The following MYO1D variants were observed in gnomAD, a reference collection of about 807,000 sequenced individuals.
The protein encoded by MYO1D is myosin ID, also known as unconventional myosin-Id.
A neutral mutation model predicts 122.0 loss-of-function variants in MYO1D; 83 were observed. The ratio of observed to expected loss-of-function variants is 0.68; its 90% CI spans 0.57 to 0.82. The LOEUF (loss-of-function observed/expected upper bound fraction) is 0.82. Among genes scored for constraint, MYO1D ranks in the 40% least tolerant of loss-of-function variants. The pLI is 0.00. For synonymous variants in MYO1D, 464 were observed against 446.9 expected, an observed-to-expected ratio of 1.04 and a Z score of -0.48; for missense variants, 1,157 against 1,269.5, an observed-to-expected ratio of 0.91 and a Z score of 1.35.
intron 16 of MYO1D, among the ~76,000 whole-genome samples, chr17:32,670,042 C>T (rs910987798): frequency 6.6e-5 from 10 of 151,968 alleles, no homozygotes; most frequent in Admixed American, 5.2e-4. Context: ...TACAGGTGTG[C>T]ACCATCATGC....
At chr17:32,539,192 A>C (rs1249781945) in intron 21 of MYO1D, among the ~76,000 whole-genome samples, 1 of 151,852 alleles carries the variant, frequency 6.6e-6, no homozygotes, top group African/African-American at 2.4e-5. Flanking sequence ...CTGTAATGCC[A>C]GCACTTTGGG....
intron 2 of MYO1D, 98 bp downstream of exon 2, chr17:32,780,478 C>A (rs2090223563): frequency 7.8e-7 from 1 of 1,287,954 alleles, no homozygotes; most frequent in Non-Finnish European, 1.1e-6. Context: ...CAGGCTTCTA[C>A]CTTTAAAAAA....
chr17:32,653,543 T>C (rs868397836), intron 19 of MYO1D, among the ~76,000 whole-genome samples: 3 of 146,674 alleles, frequency 2.0e-5, no homozygotes, highest in Middle Eastern at 3.4e-3. Flanking sequence ...GAAGCGGAGG[T>C]TGCAGTGAGC....
chr17:32,819,738 T>C (rs752989065), intron 1 of MYO1D, among the ~76,000 whole-genome samples: 8 of 152,188 alleles, frequency 5.3e-5, no homozygotes, highest in Non-Finnish European at 1.0e-4. Flanking sequence ...TGGCTACCAT[T>C]TATGAAGCTT....
chr17:32,513,147 T>C (rs1479867447), intron 21 of MYO1D, among the ~76,000 whole-genome samples: 1 of 152,160 alleles, frequency 6.6e-6, no homozygotes, highest in African/African-American at 2.4e-5. Flanking sequence ...GAGGGTGTGG[T>C]ATACAGTAGG....
At chr17:32,786,040 G>A (rs1301537882) in intron 1 of MYO1D, among the ~76,000 whole-genome samples, 5 of 152,214 alleles carry the variant, frequency 3.3e-5, no homozygotes, top group Non-Finnish European at 7.3e-5. Flanking sequence ...ACCTAGTTGA[G>A]GCAGGTTGCT....
At chr17:32,805,251 G>A (rs953826585) in intron 1 of MYO1D, among the ~76,000 whole-genome samples, 2 of 152,136 alleles carry the variant, frequency 1.3e-5, no homozygotes, top group African/African-American at 2.4e-5. Flanking sequence ...ATACATTTCT[G>A]TTGCTTATAA....
chr17:32,627,641 G>T (rs927325676), intron 20 of MYO1D: 10 of 151,964 alleles, frequency 6.6e-5, no homozygotes. Flanking sequence ...ACGAAAGGAG[G>T]TATTTGTGCA....
intron 7 of MYO1D, among the ~76,000 whole-genome samples, chr17:32,766,059 A>G (rs899171261): frequency 6.6e-6 from 1 of 151,752 alleles, no homozygotes; most frequent in Non-Finnish European, 1.5e-5. Flanking sequence ...TAATTTTTGT[A>G]TTTTTTGTAT....
intron 16 of MYO1D, among the ~76,000 whole-genome samples, chr17:32,699,582 T>G (rs1385941365): frequency 6.6e-6 from 1 of 152,188 alleles, no homozygotes. Context: ...TTTTATATGG[T>G]ATGATAACAG....
At chr17:32,810,665 C>A (rs1460601699) in intron 1 of MYO1D, among the ~76,000 whole-genome samples, 1 of 151,950 alleles carries the variant, frequency 6.6e-6, no homozygotes, top group Admixed American at 6.6e-5. Context: ...TTAGTAGAGA[C>A]GGGGTTTCAC....
At position 32,702,923 on chromosome 17, in the gene MYO1D, C is replaced by A. The variant is rs77777395; in HGVS notation, c.2121+9065G>T. On this transcript the variant is annotated intron_variant, in intron 16 of 21. Transcript: ENST00000318217. ...GGAACATGGAGCAGGTAAGGGGTAG[C>A]ATAATTTAAATTTCCAAAGAGTTGA... is the stretch of plus-strand genomic sequence containing the variant. 8.1e-3 allele frequency among the ~76,000 whole-genome samples: 1,236 copies of A among 152,228 alleles called. 13 individuals carry two copies. Among genetic ancestry groups the A allele is most frequent in the Non-Finnish European group, 0.011 (727 of 68,010 alleles).
rs182536723 is a variant in MYO1D, at chr17:32,536,158, G to A, written c.2865-41243C>T. On this transcript the variant is annotated intron_variant, in intron 21 of 21. Coordinates refer to ENST00000318217, the MANE Select transcript of MYO1D (RefSeq NM_015194.3). ...AGAGATTCTCCTGCCTCAGCCTCCC[G>A]GAGTAGCTGGGATTTACAGGTGCAA... Among the ~76,000 whole-genome samples, 99 of 152,076 alleles carry A rather than the reference G, an allele frequency of 6.5e-4. 1 individual carries two copies. Among genetic ancestry groups the A allele is most frequent in the Non-Finnish European group, 8.4e-4 (57 of 67,952 alleles).
chr17:32,717,202 G>A (rs968733891), intron 15 of MYO1D, among the ~76,000 whole-genome samples: 5 of 152,154 alleles, frequency 3.3e-5, no homozygotes, highest in Admixed American at 1.3e-4. Flanking sequence ...AGTACATCCA[G>A]TAAACATTTC....
intron 1 of MYO1D, among the ~76,000 whole-genome samples, chr17:32,800,611 G>A (rs2090452668): frequency 6.6e-6 from 1 of 152,144 alleles, no homozygotes; most frequent in African/African-American, 2.4e-5. Flanking sequence ...CAGCTAGAGA[G>A]GAGGAAAAAG....
At chr17:32,678,927 C>T (rs1283050538) in intron 16 of MYO1D, among the ~76,000 whole-genome samples, 5 of 149,556 alleles carry the variant, frequency 3.3e-5, no homozygotes, top group Admixed American at 3.3e-4. Context: ...CCTGTTGTTT[C>T]CTGACTTTTT....
rs149811105 is a variant in MYO1D, at chr17:32,621,159, C to T, written c.2710-15918G>A. On this transcript the variant is annotated intron_variant, in intron 20 of 21. Transcript: ENST00000318217. ...TTCACTGTAACCTGTCACATGCGGT[C>T]AGATGTGGAATTTTCCACTTGTGGC... 2.7e-3 allele frequency among the ~76,000 whole-genome samples: 407 copies of T among 152,096 alleles called. 1 individual carries two copies. Among genetic ancestry groups the T allele is most frequent in the African/African-American group, 9.5e-3 (395 of 41,510 alleles).
intron 21 of MYO1D, among the ~76,000 whole-genome samples, chr17:32,512,536 C>T (rs1347944716): frequency 3.3e-5 from 5 of 151,734 alleles, no homozygotes; most frequent in Admixed American, 1.3e-4. Context: ...GGTGTGGCCT[C>T]TTAGGCTGTG....
At chr17:32,806,605 G>A (rs2090515703) in intron 1 of MYO1D, among the ~76,000 whole-genome samples, 1 of 152,110 alleles carries the variant, frequency 6.6e-6, no homozygotes, top group Non-Finnish European at 1.5e-5. Context: ...TTGAACTCCT[G>A]AGCTGAAACA....
Sources: gnomAD v4.1 joint callset for allele counts (sites outside exome capture counted in the v4.1 genomes callset) on GRCh38, gnomAD v4.1.1 for gene constraint, MANE v1.5 for transcripts, NCBI Gene and HGNC (gene_info 2026-07-23, HGNC 2026-07-21) for gene names.